The following EXTL3 variants were observed in gnomAD, a reference collection of about 807,000 sequenced individuals.
EXTL3 encodes exostosin like glycosyltransferase 3.
In EXTL3, 27 loss-of-function variants were observed where a neutral mutation model predicts 69.3. The observed-to-expected ratio is 0.39, with a 90% CI of 0.29 to 0.54. The LOEUF (loss-of-function observed/expected upper bound fraction) is 0.54. EXTL3 is among the 20% of genes least tolerant of loss of function. The pLI is 0.69. For synonymous variants in EXTL3, 511 were observed against 499.4 expected (o/e 1.02, Z -0.31); for missense variants, 1,003 against 1,231.8 (o/e 0.81, Z 2.78).
chr8:28,660,487 T>A (rs529726153), intron 1 of EXTL3, among the ~76,000 whole-genome samples: 181 of 152,216 alleles, frequency 1.2e-3, no homozygotes, highest in African/African-American at 3.7e-3. Context: ...TGTGTGTGTG[T>A]ACACACAGAC....
intron 1 of EXTL3, among the ~76,000 whole-genome samples, chr8:28,625,997 CAAAAAAAAAAAAAAA>C (rs67403576): frequency 4.9e-5 from 2 of 41,130 alleles, no homozygotes; most frequent in African/African-American, 2.5e-4. Context: ...CACATTTCTC[CAAAAAAAAAAAAAAA>C]AAAAAAAAAA....
At chr8:28,659,904 G>C (rs1347125319) in intron 1 of EXTL3, among the ~76,000 whole-genome samples, 1 of 152,032 alleles carries the variant, frequency 6.6e-6, no homozygotes, top group Non-Finnish European at 1.5e-5. Context: ...GGGGGTCCAG[G>C]GGTTTTCACA....
At chr8:28,706,320 T>G (rs1312354504) in intron 1 of EXTL3, among the ~76,000 whole-genome samples, 1 of 152,254 alleles carries the variant, frequency 6.6e-6, no homozygotes, top group Non-Finnish European at 1.5e-5. Context: ...CAGTTTACCT[T>G]TCTACTAACA....
chr8:28,665,809 T>A (rs1166616486), intron 1 of EXTL3, among the ~76,000 whole-genome samples: 1 of 152,224 alleles, frequency 6.6e-6, no homozygotes, highest in African/African-American at 2.4e-5. Flanking sequence ...TATTCTTTTC[T>A]GGATAGGTTT....
At chr8:28,726,094 T>G (rs908355822) in intron 3 of EXTL3, among the ~76,000 whole-genome samples, 2 of 152,070 alleles carry the variant, frequency 1.3e-5, no homozygotes, top group Admixed American at 1.3e-4. Flanking sequence ...TAGCTGGGAT[T>G]ACAGGCGCAC....
At chr8:28,731,902 A>G (rs1801546386) in intron 4 of EXTL3, among the ~76,000 whole-genome samples, 2 of 152,098 alleles carry the variant, frequency 1.3e-5, no homozygotes, top group South Asian at 4.2e-4. Flanking sequence ...GATGATGATG[A>G]TGGTAAACAT....
chr8:28,660,089 A>G (rs1457034315), intron 1 of EXTL3, among the ~76,000 whole-genome samples: 2 of 152,224 alleles, frequency 1.3e-5, no homozygotes, highest in Non-Finnish European at 2.9e-5. Flanking sequence ...TGGGCCGGGT[A>G]CAGCGGCTCA....
chr8:28,620,634 G>A (rs1806398460), upstream of EXTL3, among the ~76,000 whole-genome samples: 1 of 152,204 alleles, frequency 6.6e-6, no homozygotes, highest in African/African-American at 2.4e-5. Context: ...AACTGGAAAG[G>A]CCAGAAAGGT....
intron 4 of EXTL3, among the ~76,000 whole-genome samples, chr8:28,734,465 A>C (rs887852814): frequency 5.6e-4 from 85 of 152,296 alleles, no homozygotes; most frequent in African/African-American, 1.9e-3. Flanking sequence ...TAATCCCAGC[A>C]TTTTGGGAGG....
intron 1 of EXTL3, among the ~76,000 whole-genome samples, chr8:28,712,693 A>AC (rs1286561129): frequency 6.6e-6 from 1 of 152,188 alleles, no homozygotes; most frequent in Non-Finnish European, 1.5e-5. Flanking sequence ...GCTATTGGAC[A>AC]TGGATGATGC....
At chr8:28,693,356 G>C (rs1323329539) in intron 1 of EXTL3, among the ~76,000 whole-genome samples, 1 of 152,032 alleles carries the variant, frequency 6.6e-6, no homozygotes, top group Non-Finnish European at 1.5e-5. Flanking sequence ...TGCCATGTTG[G>C]CCAGTGTGGT....
intron 1 of EXTL3, among the ~76,000 whole-genome samples, chr8:28,626,041 G>A (rs1178083701): frequency 3.5e-5 from 5 of 141,662 alleles, no homozygotes; most frequent in Admixed American, 1.4e-4. Flanking sequence ...GTGAGGTGGT[G>A]CACACCTGTT....
chr8:28,668,867 T>C (rs115500927), intron 1 of EXTL3, among the ~76,000 whole-genome samples: 1 of 125,908 alleles, frequency 7.9e-6, no homozygotes, highest in Admixed American at 7.8e-5. Context: ...TAGAATCTCT[T>C]TTTTTTTTTT....
intron 1 of EXTL3, among the ~76,000 whole-genome samples, chr8:28,713,130 C>A (rs573545012): frequency 1.3e-5 from 2 of 152,176 alleles, no homozygotes; most frequent in Non-Finnish European, 2.9e-5. Context: ...TCAGTATATA[C>A]TTTCAACAAG....
chr8:28,755,894 CTA>C (rs1001087854), downstream of EXTL3, among the ~76,000 whole-genome samples: 5 of 152,184 alleles, frequency 3.3e-5, no homozygotes, highest in African/African-American at 1.2e-4. Context: ...GCATAAATGT[CTA>C]TGTCATTTTA....
intron 1 of EXTL3, among the ~76,000 whole-genome samples, chr8:28,653,908 C>A (rs576497241): frequency 2.0e-4 from 30 of 152,082 alleles, no homozygotes; most frequent in Non-Finnish European, 3.2e-4. Flanking sequence ...TGGGATTTTT[C>A]ATTTCTGCAA....
intron 1 of EXTL3, among the ~76,000 whole-genome samples, chr8:28,688,093 C>T (rs1800555531): frequency 2.1e-5 from 3 of 144,554 alleles, no homozygotes; most frequent in Non-Finnish European, 3.0e-5. Flanking sequence ...CGGAGTTTCG[C>T]TTTTGTCACC....
At position 28,750,667 on chromosome 8, in the gene EXTL3, G is replaced by A; in HGVS notation, c.2561G>A (p.Arg854Gln). The A allele has an allele frequency of 6.2e-7, 1 of 1,613,958 alleles. No individual in the cohort carries two copies. The highest frequency in any genetic ancestry group is 8.5e-7 in the Non-Finnish European group (1 of 1,179,878). ...CTCTCCCGTTTCCAGGTGACCTCAC[G>A]GTGGACATTCCGATGCCCAGGATGC... Reference protein sequence around the residue: ...TRKPPIKVTSRWTFRCPGCPQ... With the variant: ...TRKPPIKVTSQWTFRCPGCPQ... The change falls in exon 7 of 7, where the codon CGG becomes CAG. Residue 854 changes from arginine (R) to glutamine (Q), a missense_variant. Transcript: ENST00000220562. This position sits in a 1 kb window ranked among gnomAD's most constrained non-coding sequence, Gnocchi z 5.2.
rs112899357 is a variant in EXTL3 at position 28,659,644 on chromosome 8, C to A, written c.-53+36834C>A. Among the ~76,000 whole-genome samples, 461 of 152,252 alleles carry A rather than the reference C, an allele frequency of 3.0e-3. 3 individuals carry two copies. The highest frequency in any genetic ancestry group is 0.01 in the African/African-American group (432 of 41,542). ...GGTTTCCCAGATGCAACCCCAGGGT[C>A]GCCCCAACATCAGCAAGTCTAATTG... On this transcript the variant is annotated intron_variant, in intron 1 of 6. Coordinates refer to the EXTL3 transcript ENST00000523149.
Sources: allele counts gnomAD v4.1 joint callset (sites outside exome capture counted in the v4.1 genomes callset), GRCh38; gene constraint gnomAD v4.1.1; non-coding constraint Gnocchi (gnomAD v3.1); transcripts MANE v1.5; gene names NCBI Gene and HGNC (gene_info 2026-07-23, HGNC 2026-07-21).